The following SYCE1 variants were observed in gnomAD, a reference collection of about 807,000 sequenced individuals.
SYCE1 encodes the protein cancer/testis antigen 76.
Under a neutral mutation model 55.1 loss-of-function variants are expected in SYCE1, and 37 were observed. The ratio of observed to expected loss-of-function variants is 0.67; its 90% CI spans 0.52 to 0.88. SYCE1 has a LOEUF of 0.88. Among genes scored for constraint, SYCE1 ranks in the 40% least tolerant of loss-of-function variants. The pLI is 0.00. For missense variants in SYCE1, 399 were observed against 416.4 expected, an observed-to-expected ratio of 0.96 and a Z score of 0.36; for synonymous variants, 163 against 159.4, an observed-to-expected ratio of 1.02 and a Z score of -0.17.
chr10:133,565,406 G>A (rs1851904361), intron 1 of SYCE1, 51 bp downstream of exon 1: 1 of 1,459,584 alleles, frequency 6.9e-7, no homozygotes, highest in Non-Finnish European at 9.1e-7. Context: ...ACCCTGCCCC[G>A]CCTCGGCGAG....
upstream of SYCE1, chr10:133,567,972 G>T: frequency 1.7e-6 from 1 of 584,806 alleles, no homozygotes; most frequent in Non-Finnish European, 3.2e-6. Context: ...GCAGCCAGCA[G>T]CTCCTGCACC....
At chr10:133,554,368 A>T, downstream of SYCE1, 1 of 1,596,940 alleles carries the variant, frequency 6.3e-7, no homozygotes. Flanking sequence ...ACTTCAATGC[A>T]TTCTGACTCA....
chr10:133,557,894 T>C lies in SYCE1; in HGVS notation c.344A>G (p.His115Arg), dbSNP rs1246735749. 2 of 1,614,014 alleles carry C rather than the reference T, an allele frequency of 1.2e-6. No homozygotes were observed. The highest frequency in any genetic ancestry group is 1.3e-5 in the African/African-American group (1 of 74,922). ...KQETLRILRL[H>R]CQEKESEAHR... is the part of the protein sequence containing the mutation. ...TGCCTCACTTTCCTTTTCCTGGCAA[T>C]GCAGCCGGAGGATCCTCAGGGTCTC... The change falls in exon 6 of 13, where the codon CAT (histidine) becomes CGT (arginine). Residue 115 changes from histidine to arginine, a missense_variant. By Grantham distance (29) the His-to-Arg change is conservative (BLOSUM62 0). Coordinates refer to ENST00000343131, the MANE Select transcript of SYCE1 (RefSeq NM_001143764.3).
intron 6 of SYCE1, chr10:133,557,587 A>C (rs1851717090): frequency 1.8e-6 from 1 of 541,388 alleles, no homozygotes; most frequent in African/African-American, 1.9e-5. Context: ...GAGTGAATAG[A>C]CATCCAAGGA....
At chr10:133,562,647 T>C (rs11101832) in intron 1 of SYCE1, among the ~76,000 whole-genome samples, 14,909 of 152,190 alleles carry the variant, frequency 0.098, 901 homozygotes, top group East Asian at 0.25. Flanking sequence ...TTTTTGTTTA[T>C]TAATTATTGC....
chr10:133,554,567 T>C (rs1037780233), downstream of SYCE1: 37 of 659,880 alleles, frequency 5.6e-5, no homozygotes, highest in Admixed American at 8.2e-4. Context: ...GAGCACAAAC[T>C]ACACAGCTAA....
Position 133,556,312 on chromosome 10 carries a change from G to GT in SYCE1, c.529-266dup, listed in dbSNP as rs1589965338. On this transcript the variant is annotated intron_variant, in intron 8 of 12. Transcript: ENST00000343131. Reference sequence around the variant, plus strand: ...TACAACAGATAAACCTGCAAGCACTGTGAGTCTTGGCTGTTTTCTGGAGGA... The same window carrying GT: ...TACAACAGATAAACCTGCAAGCACTGTTGAGTCTTGGCTGTTTTCTGGAGGA... The GT allele has an allele frequency of 1.9e-5, 11 of 571,298 alleles. No individual in the cohort carries two copies. In the South Asian group the frequency reaches 2.2e-4, roughly 12 times the overall value. The allele number at this position is 571,298 out of a possible 1,614,324, so 35.4% of individuals were successfully genotyped here.
intron 1 of SYCE1, chr10:133,560,930 G>A (rs541574641): frequency 1.3e-5 from 2 of 152,068 alleles, no homozygotes; most frequent in South Asian, 2.1e-4. Context: ...AAGGCTAATC[G>A]GAAACTCAAA....
chr10:133,568,119 T>C (rs3020502), upstream of SYCE1: 638,104 of 770,980 alleles, frequency 0.83, 270,417 homozygotes, highest in Non-Finnish European at 0.88. Flanking sequence ...CCCAGGGCAC[T>C]GAGGGCGCCA....
Position 133,559,312 on chromosome 10 carries a change from T to G in SYCE1, c.185A>C (p.Glu62Ala), listed in dbSNP as rs766207754. The G allele has an allele frequency of 2.1e-5, 34 of 1,614,038 alleles. No individual in the cohort carries two copies. The highest frequency in any genetic ancestry group is 2.9e-5 in the Non-Finnish European group (34 of 1,180,020). Residue 62 changes from glutamate (E) to alanine (A), a missense_variant, in exon 3 of 13, where the codon GAG becomes GCG. Glu to Ala is a moderately radical substitution (Grantham distance 107). Transcript: ENST00000343131. ...GCCCCTGAACTCACCTTGCTGGACCTCATTAATCCGGTTAATCAGGACCTC... is the reference window on the plus strand; with the variant it reads ...GCCCCTGAACTCACCTTGCTGGACCGCATTAATCCGGTTAATCAGGACCTC... ...RVEVLINRINEVQQAKKKANK... is the reference protein window; with the variant it reads ...RVEVLINRINAVQQAKKKANK...
upstream of SYCE1, among the ~76,000 whole-genome samples, chr10:133,566,404 T>C (rs922524350): frequency 6.6e-6 from 1 of 151,864 alleles, no homozygotes; most frequent in African/African-American, 2.4e-5. Context: ...GGCTACAGAT[T>C]AGAGCTAGGG....
At chr10:133,554,163 T>A (rs1851590170), downstream of SYCE1, 1 of 755,206 alleles carries the variant, frequency 1.3e-6, no homozygotes, top group Non-Finnish European at 2.2e-6. Context: ...ATTGCCAGTT[T>A]GTTTAAGACA....
intron 1 of SYCE1, among the ~76,000 whole-genome samples, chr10:133,563,702 AAATC>A (rs994117477): frequency 1.3e-5 from 2 of 151,830 alleles, no homozygotes; most frequent in Non-Finnish European, 2.9e-5. Context: ...AAAAAAAAAA[AAATC>A]AAGCATAAAA....
At chr10:133,560,273 G>A in intron 1 of SYCE1, 120 bp from the exon 2 acceptor site, 1 of 754,112 alleles carries the variant, frequency 1.3e-6, no homozygotes. Flanking sequence ...TTCTTGTCCT[G>A]AGGTGGACAG....
At chr10:133,559,907 C>T in intron 2 of SYCE1, 184 bp downstream of exon 2, 1 of 615,278 alleles carries the variant, frequency 1.6e-6, no homozygotes, top group Non-Finnish European at 2.8e-6. Flanking sequence ...GCCTTCTATA[C>T]CCTTTTGCTT....
At chr10:133,563,219 A>C (rs776880873) in intron 1 of SYCE1, among the ~76,000 whole-genome samples, 7 of 152,250 alleles carry the variant, frequency 4.6e-5, no homozygotes, top group Admixed American at 1.3e-4. Flanking sequence ...TTATTTTCTA[A>C]GACTATGTCC....
At chr10:133,556,312 G>A (rs966192821) in intron 8 of SYCE1, 5 of 571,298 alleles carry the variant, frequency 8.8e-6, no homozygotes, top group Non-Finnish European at 1.2e-5. Context: ...TGCAAGCACT[G>A]TGAGTCTTGG....
chr10:133,559,129 T>C (rs1009218325), intron 3 of SYCE1, 172 bp downstream of exon 3: 7 of 916,442 alleles, frequency 7.6e-6, no homozygotes, highest in African/African-American at 4.9e-5. Flanking sequence ...ATCATGGGCA[T>C]GTAACTATGG....
intron 6 of SYCE1, chr10:133,557,621 A>C (rs1851718581): frequency 1.7e-6 from 1 of 583,448 alleles, no homozygotes; most frequent in African/African-American, 1.9e-5. Flanking sequence ...TAAAAGGCAA[A>C]AAATAAAAAC....
Sources: gnomAD v4.1 joint callset for allele counts (sites outside exome capture counted in the v4.1 genomes callset) on GRCh38, gnomAD v4.1.1 for gene constraint, MANE v1.5 for transcripts, NCBI Gene and HGNC (gene_info 2026-07-23, HGNC 2026-07-21) for gene names.